The following C11orf68 variants were observed in gnomAD, a reference collection of about 807,000 sequenced individuals.
The protein encoded by C11orf68 is chromosome 11 open reading frame 68.
In C11orf68, 3 loss-of-function variants were observed where a neutral mutation model predicts 4.7. The observed-to-expected ratio is 0.64, with a 90% confidence interval of 0.29 to 1.66. The LOEUF (loss-of-function observed/expected upper bound fraction) is 1.66, where lower values mean the gene tolerates loss of function less well. Ranked by LOEUF, C11orf68 falls within the 40% of genes most tolerant of loss-of-function variation. C11orf68 has a pLI of 0.10. For synonymous variants in C11orf68, 186 were observed against 167.8 expected (o/e 1.11, Z -0.84); for missense variants, 422 against 408.0 (o/e 1.03, Z -0.30).
In C11orf68 at chr11:65,918,967, C is replaced by T; in HGVS notation, c.65G>A (p.Arg22Gln). 2 of 1,193,384 alleles carry T rather than the reference C, an allele frequency of 1.7e-6. No individual in the cohort carries two copies. The highest frequency in any genetic ancestry group is 4.1e-5 in the East Asian group (1 of 24,146). The allele number at this position is 1,193,384 out of a possible 1,614,324, so 73.9% of individuals were successfully genotyped here. The stretch of plus-strand genomic sequence containing the variant: ...GCCCCGGGCCCGGCTCCGCTCCTGC[C>T]GTGGCTCCGCGCCACCGCCACCGCG... ...VGRGGGGAEP[R>Q]QERSRARGWA... is the part of the protein sequence containing the mutation. The change falls in exon 1 of 2, where the codon CGG (arginine) becomes CAG (glutamine). Residue 22 changes from arginine (R) to glutamine (Q), a missense_variant. Arg to Gln is a conservative substitution (Grantham distance 43). Transcript: ENST00000438576.
chr11:65,917,116 TGCA>T lies in C11orf68; in HGVS notation c.*340_*342del. On this transcript the variant is annotated 3_prime_UTR_variant, in exon 2 of 2. Coordinates refer to ENST00000438576, the MANE Select transcript of C11orf68 (RefSeq NM_001135635.2). ...TGAGGGGGAAGGAAAGAAGGGGAGATGCAGGAGGAAGGGGAGGTATAGCGGGGG... is the reference window on the plus strand; with the variant it reads ...TGAGGGGGAAGGAAAGAAGGGGAGATGGAGGAAGGGGAGGTATAGCGGGGG... The T allele has an allele frequency of 3.9e-6, 1 of 257,334 alleles. No homozygotes were observed. The highest frequency in any genetic ancestry group is 4.9e-5 in the Admixed American group (1 of 20,542). 15.9% of individuals were successfully genotyped at this position (257,334 alleles called of 1,614,324 possible). A position where few individuals can be genotyped will look rare whatever the true frequency, so the allele number is the denominator to read the frequency against.
In C11orf68 at chr11:65,918,051, G is replaced by C. The variant is rs1181860038; in HGVS notation, c.290C>G (p.Ala97Gly). 6.2e-7 allele frequency: 1 copy of C among 1,609,050 alleles called. No homozygotes were observed. Among genetic ancestry groups the C allele is most frequent in the African/African-American group, 1.3e-5 (1 of 74,850 alleles). Reference protein sequence around the residue: ...TPATELDAWLAKYPPSQVTRY... With the variant: ...TPATELDAWLGKYPPSQVTRY... ...GGTAACTTGGGATGGTGGGTACTTG[G>C]CCAGCCAGGCATCCAGCTCAGTGGC... The change falls in exon 2 of 2, where the codon GCC (alanine) becomes GGC (glycine). Residue 97 changes from alanine (A) to glycine (G), a missense_variant. Transcript: ENST00000438576.
Position 65,918,164 on chromosome 11 carries a change from C to A in C11orf68, c.177G>T (p.Glu59Asp). The A allele has an allele frequency of 1.3e-6, 2 of 1,559,082 alleles. No homozygotes were observed. Among genetic ancestry groups the A allele is most frequent in the Non-Finnish European group, 8.7e-7 (1 of 1,154,944 alleles). The change falls in exon 2 of 2, where the codon GAG becomes GAT. Residue 59 changes from glutamate (E) to aspartate (D), a missense_variant. Transcript: ENST00000438576. Reference protein sequence around the residue: ...LEEEGSPGGREDGFTAEHLAA... With the variant: ...LEEEGSPGGRDDGFTAEHLAA... The stretch of plus-strand genomic sequence containing the variant: ...CCAGGTGCTCGGCGGTGAAGCCATC[C>A]TCACGGCCACCTGGAGAGCCCTCCT...
Position 65,917,762 on chromosome 11 carries a change from A to C in C11orf68, c.579T>G (p.Val193=). 1 of 1,613,104 alleles carries C rather than the reference A, an allele frequency of 6.2e-7. No homozygotes were observed. ...HAWAGIARAV[V]EGQLQVAKVS... is the part of the protein sequence containing the mutation. ...CCTTGGCCACCTGAAGCTGGCCTTC[A>C]ACCACGGCCCGGGCAATGCCAGCCC... is the stretch of plus-strand genomic sequence containing the variant. The change falls in exon 2 of 2, where the codon GTT becomes GTG. Residue 193 remains valine, a synonymous_variant. Transcript: ENST00000438576.
chr11:65,918,697 C>G (rs1195505581), intron 1 of C11orf68, among the ~76,000 whole-genome samples: 1 of 152,210 alleles, frequency 6.6e-6, no homozygotes, highest in African/African-American at 2.4e-5. Context: ...CAGGCGTTAT[C>G]GGGCCCACTT....
chr11:65,917,315 G>C lies in C11orf68; in HGVS notation c.*144C>G, dbSNP rs933721226. 4 of 1,025,586 alleles carry C rather than the reference G, an allele frequency of 3.9e-6. No homozygotes were observed. Among genetic ancestry groups the C allele is most frequent in the Non-Finnish European group, 5.7e-6 (4 of 696,056 alleles). 63.5% of individuals were successfully genotyped at this position (1,025,586 alleles called of 1,614,324 possible). A position where few individuals can be genotyped will look rare whatever the true frequency, so the allele number is the denominator to read the frequency against. On this transcript the variant is annotated 3_prime_UTR_variant, in exon 2 of 2. Transcript: ENST00000438576. Reference sequence around the variant, plus strand: ...CCCTGAACAGAGGGCAGAAGTTCAAGGGGACTGAAGATGCAGGTAGTTCCC... The same window carrying C: ...CCCTGAACAGAGGGCAGAAGTTCAACGGGACTGAAGATGCAGGTAGTTCCC...
At chr11:65,918,464 G>A (rs1854492183) in intron 1 of C11orf68, 5 of 454,338 alleles carry the variant, frequency 1.1e-5, no homozygotes, top group Admixed American at 7.9e-5. Flanking sequence ...AGGAAACTGA[G>A]GCTGAGAAAA....
In C11orf68 at chr11:65,919,034, T is replaced by TAGCGCCGCGCCACCTC. The variant is rs2134831264; in HGVS notation, c.-19_-4dup. On this transcript the variant is annotated 5_prime_UTR_variant, in exon 1 of 2. Transcript: ENST00000438576. ...GCCGCCGCCGCCGCCGCCGCCATCTTAGCGCCGCGCCACCTCAACAACAAC... is the reference window on the plus strand; with the variant it reads ...GCCGCCGCCGCCGCCGCCGCCATCTTAGCGCCGCGCCACCTCAGCGCCGCGCCACCTCAACAACAAC... The TAGCGCCGCGCCACCTC allele has an allele frequency of 2.6e-6, 3 of 1,134,712 alleles. No individual in the cohort carries two copies. Among genetic ancestry groups the TAGCGCCGCGCCACCTC allele is most frequent in the East Asian group, 5.0e-5 (1 of 19,990 alleles). 70.3% of individuals were successfully genotyped at this position (1,134,712 alleles called of 1,614,324 possible). A position where few individuals can be genotyped will look rare whatever the true frequency, so the allele number is the denominator to read the frequency against.
chr11:65,918,874 C>G, intron 1 of C11orf68, 36 bp downstream of exon 1: 1 of 1,203,378 alleles, frequency 8.3e-7, no homozygotes, highest in Non-Finnish European at 1.0e-6. Context: ...GCTCCCGCCC[C>G]GGCCCTGCCC....
chr11:65,917,674 C>T lies in C11orf68; in HGVS notation c.667G>A (p.Asp223Asn). Residue 223 changes from aspartate to asparagine, a missense_variant, in exon 2 of 2, where the codon GAC (aspartate) becomes AAC (asparagine). Coordinates refer to ENST00000438576, the MANE Select transcript of C11orf68 (RefSeq NM_001135635.2). ...TCCGCCTCCAGTACACCCAAGCGGT[C>T]CGTGAAGTCGTCCGTGTAAACACAG... ...VICVYTDDFT[D>N]RLGVLEADSA... The T allele has an allele frequency of 1.2e-6, 2 of 1,614,030 alleles. No homozygotes were observed. Among genetic ancestry groups the T allele is most frequent in the Non-Finnish European group, 1.7e-6 (2 of 1,180,012 alleles).
intron 1 of C11orf68, 128 bp from the exon 2 acceptor site, chr11:65,918,346 TAAC>T (rs1854490266): frequency 2.7e-6 from 3 of 1,107,584 alleles, no homozygotes; most frequent in Admixed American, 3.4e-5. Context: ...TACAATGGGA[TAAC>T]AACTGTTCCT....
In C11orf68 at chr11:65,917,470, C is replaced by G; in HGVS notation, c.871G>C (p.Glu291Gln). The change falls in exon 2 of 2, where the codon GAA becomes CAA. Residue 291 changes from glutamate to glutamine, a missense_variant. Glu to Gln is a conservative substitution (Grantham distance 29, BLOSUM62 2). Coordinates refer to ENST00000438576, the MANE Select transcript of C11orf68 (RefSeq NM_001135635.2). ...CCAATTTGGCCCCCCTAGGTCAGTT[C>G]CACGTTGTTGGCACGGTCAAGCACT... Reference protein sequence around the residue: ...SRVLDRANNVELT With the variant: ...SRVLDRANNVQLT The G allele has an allele frequency of 6.2e-7, 1 of 1,610,198 alleles. No homozygotes were observed. Among genetic ancestry groups the G allele is most frequent in the South Asian group, 1.1e-5 (1 of 90,598 alleles).
intron 1 of C11orf68, 127 bp downstream of exon 1, chr11:65,918,782 CA>C (rs1384229489): frequency 3.1e-6 from 3 of 955,544 alleles, no homozygotes; most frequent in African/African-American, 1.8e-5. Flanking sequence ...AGACTCGAAC[CA>C]GGGCTTGTTA....
chr11:65,917,601 G>A lies in C11orf68; in HGVS notation c.740C>T (p.Pro247Leu). 6.2e-7 allele frequency: 1 copy of A among 1,614,116 alleles called. No homozygotes were observed. The highest frequency in any genetic ancestry group is 1.1e-5 in the South Asian group (1 of 91,086). ...AGIKCLLTYK[P>L]DVYTYLGIYR... ...GATGCCCAGGTAGGTGTAGACATCA[G>A]GCTTGTAGGTGAGCAGGCACTTAAT... is the stretch of plus-strand genomic sequence containing the variant. Residue 247 changes from proline (P) to leucine (L), a missense_variant, in exon 2 of 2, where the codon CCT (proline) becomes CTT (leucine). Physicochemically the swap from Pro to Leu is moderately conservative, Grantham distance 98. Transcript: ENST00000438576.
Position 65,917,570 on chromosome 11 carries a change from C to T in C11orf68, c.771G>A (p.Arg257=), listed in dbSNP as rs1366137426. Residue 257 remains arginine (R), a synonymous_variant, in exon 2 of 2, where the codon CGG becomes CGA. Coordinates refer to ENST00000438576, the MANE Select transcript of C11orf68 (RefSeq NM_001135635.2). Reference sequence around the variant, plus strand: ...TGGGGCAGAGGTGCCAGCGATTGGCCCGGTAGATGCCCAGGTAGGTGTAGA... The same window carrying T: ...TGGGGCAGAGGTGCCAGCGATTGGCTCGGTAGATGCCCAGGTAGGTGTAGA... ...PDVYTYLGIY[R]ANRWHLCPTL... is the part of the protein sequence containing the mutation. 3.7e-6 allele frequency: 6 copies of T among 1,614,086 alleles called. No individual in the cohort carries two copies. The highest frequency in any genetic ancestry group is 1.1e-5 in the South Asian group (1 of 91,078).
Position 65,917,901 on chromosome 11 carries a change from G to C in C11orf68, c.440C>G (p.Thr147Ser). The C allele has an allele frequency of 6.2e-7, 1 of 1,609,604 alleles. No homozygotes were observed. The highest frequency in any genetic ancestry group is 1.1e-5 in the South Asian group (1 of 91,068). The change falls in exon 2 of 2, where the codon ACC (threonine) becomes AGC (serine). Residue 147 changes from threonine (T) to serine (S), a missense_variant. Coordinates refer to ENST00000438576, the MANE Select transcript of C11orf68 (RefSeq NM_001135635.2). ...ACCCGGTGTGATGGGCCGCCCACTG[G>C]TCTGCAGAGCTTCCCAGGCTGCCTG... ...GLQAAWEALQ[T>S]SGRPITPGTL...
rs1480069815 is a variant in C11orf68 at position 65,918,284 on chromosome 11, A to T, written c.123-66T>A. 2.1e-6 allele frequency: 3 copies of T among 1,440,898 alleles called. No individual in the cohort carries two copies. In the African/African-American group the frequency reaches 4.3e-5, roughly 21 times the overall value. 89.3% of individuals were successfully genotyped at this position (1,440,898 alleles called of 1,614,324 possible). On this transcript the variant is annotated intron_variant, in intron 1 of 1. Coordinates refer to ENST00000438576, the MANE Select transcript of C11orf68 (RefSeq NM_001135635.2). The stretch of plus-strand genomic sequence containing the variant: ...CTACAGATGCCAGGCACTGGATTAA[A>T]CTGTGGCCTTGAGTAAGAGTTACTG...
chr11:65,918,042 G>C lies in C11orf68; in HGVS notation c.299C>G (p.Pro100Arg). 1 of 1,608,394 alleles carries C rather than the reference G, an allele frequency of 6.2e-7. No individual in the cohort carries two copies. The highest frequency in any genetic ancestry group is 8.5e-7 in the Non-Finnish European group (1 of 1,177,374). ...TELDAWLAKY[P>R]PSQVTRYGDP... is the part of the protein sequence containing the mutation. ...CCCATAGCGGGTAACTTGGGATGGT[G>C]GGTACTTGGCCAGCCAGGCATCCAG... Residue 100 changes from proline to arginine, a missense_variant, in exon 2 of 2, where the codon CCA (proline) becomes CGA (arginine). Pro to Arg is a moderately radical substitution (Grantham distance 103). Transcript: ENST00000438576.
rs892226374 is a variant in C11orf68 at position 65,918,998 on chromosome 11, C to A, written c.34G>T (p.Val12Leu). Residue 12 changes from valine (V) to leucine (L), a missense_variant, in exon 1 of 2, where the codon GTG (valine) becomes TTG (leucine). Transcript: ENST00000438576. Reference protein sequence around the residue: ...AAAAAAAVAGVGRGGGGAEPR... With the variant: ...AAAAAAAVAGLGRGGGGAEPR... ...TCCGCGCCACCGCCACCGCGCCCCA[C>A]CCCCGCCACGGCCGCCGCCGCCGCC... is the stretch of plus-strand genomic sequence containing the variant. 12 of 1,163,032 alleles carry A rather than the reference C, an allele frequency of 1.0e-5. No homozygotes were observed. Among genetic ancestry groups the A allele is most frequent in the Admixed American group, 9.6e-5 (2 of 20,884 alleles). The allele number at this position is 1,163,032 out of a possible 1,614,324, so 72.0% of individuals were successfully genotyped here.
Sources: gnomAD v4.1 joint callset for allele counts (sites outside exome capture counted in the v4.1 genomes callset) on GRCh38, gnomAD v4.1.1 for gene constraint, MANE v1.5 for transcripts, NCBI Gene and HGNC (gene_info 2026-07-23, HGNC 2026-07-21) for gene names.